DENND1A: variants seen among roughly 807,000 people sequenced by gnomAD.
The protein encoded by DENND1A is DENN domain-containing protein 1A.
DENND1A carries 51 observed loss-of-function variants against 113.7 expected under a neutral mutation model. The observed-to-expected ratio is 0.45, with a 90% CI of 0.36 to 0.57. The LOEUF (loss-of-function observed/expected upper bound fraction) is 0.57, where lower values mean the gene tolerates loss of function less well. DENND1A is among the 20% of genes least tolerant of loss of function. The probability of loss-of-function intolerance (pLI) is 0.00; values close to 1 mark genes in which losing one functional copy is unlikely to be tolerated. For missense variants in DENND1A, 1,258 were observed against 1,395.9 expected (o/e 0.90, Z 1.57); for synonymous variants, 565 against 570.8 (o/e 0.99, Z 0.14).
chr9:123,667,000 ATT>A, intron 8 of DENND1A, 24 bp downstream of exon 8: 3 of 1,569,678 alleles, frequency 1.9e-6, no homozygotes, highest in South Asian at 2.4e-5. Flanking sequence ...TAAAAATTTA[ATT>A]TTTTCTTCTT....
intron 1 of DENND1A, among the ~76,000 whole-genome samples, chr9:123,893,986 T>C (rs574078667): frequency 2.6e-5 from 4 of 152,120 alleles, no homozygotes; most frequent in Non-Finnish European, 5.9e-5. Context: ...CTTACAAAGC[T>C]CAGTTGCTCT....
At chr9:123,397,585 C>A (rs150309443) in intron 21 of DENND1A, among the ~76,000 whole-genome samples, 1 of 152,136 alleles carries the variant, frequency 6.6e-6, no homozygotes, top group African/African-American at 2.4e-5. Flanking sequence ...CAGTCACAGA[C>A]AATAGGGGTT....
chr9:123,558,923 C>T (rs774957288), intron 12 of DENND1A, among the ~76,000 whole-genome samples: 3 of 152,298 alleles, frequency 2.0e-5, no homozygotes, highest in East Asian at 1.9e-4. Context: ...TGAAACCACA[C>T]GTGGGTCTTG....
rs532638087 is a variant in DENND1A at position 123,483,731 on chromosome 9, G to A, written c.994-25834C>T. On this transcript the variant is annotated intron_variant, in intron 13 of 23. Coordinates refer to ENST00000394215, the MANE Select transcript of DENND1A (RefSeq NM_001352964.2). ...GTCGCTCATTATCCATGTGACTGTG[G>A]GGAAGTCTTTAGCTCCCCAAGTCAC... 6.6e-5 allele frequency among the ~76,000 whole-genome samples: 10 copies of A among 152,336 alleles called. No individual in the cohort carries two copies. In the East Asian group the frequency reaches 1.5e-3, roughly 23 times the overall value.
chr9:123,769,047 CTAT>C (rs1289414708), intron 4 of DENND1A, among the ~76,000 whole-genome samples: 2 of 152,026 alleles, frequency 1.3e-5, no homozygotes, highest in African/African-American at 4.8e-5. Flanking sequence ...ATATAAAATA[CTAT>C]TTAGCAATAT....
intron 10 of DENND1A, among the ~76,000 whole-genome samples, chr9:123,614,685 CT>C (rs1334621143): frequency 6.6e-6 from 1 of 152,132 alleles, no homozygotes; most frequent in Admixed American, 6.5e-5. Context: ...GGCAACACCT[CT>C]GCTATCATGA....
At chr9:123,475,279 A>T (rs981458097) in intron 13 of DENND1A, among the ~76,000 whole-genome samples, 4 of 152,170 alleles carry the variant, frequency 2.6e-5, no homozygotes, top group African/African-American at 9.7e-5. Flanking sequence ...TCGGCCTCCC[A>T]AAGTGCTGGG....
intron 19 of DENND1A, among the ~76,000 whole-genome samples, chr9:123,436,958 G>A (rs1564485583): frequency 6.6e-6 from 1 of 152,140 alleles, no homozygotes; most frequent in Non-Finnish European, 1.5e-5. Context: ...ATGTTGGTCA[G>A]GCTACTGACA....
intron 2 of DENND1A, among the ~76,000 whole-genome samples, chr9:123,819,527 TA>T (rs1838118575): frequency 6.6e-6 from 1 of 152,170 alleles, no homozygotes; most frequent in African/African-American, 2.4e-5. Flanking sequence ...AAAAATATTT[TA>T]TTTTTTTATT....
chr9:123,432,839 G>C (rs1222890003), intron 19 of DENND1A, among the ~76,000 whole-genome samples: 1 of 152,164 alleles, frequency 6.6e-6, no homozygotes, highest in Non-Finnish European at 1.5e-5. Flanking sequence ...ACTCTTGCTG[G>C]TACCAGCTCC....
rs141141363 is a variant in DENND1A at position 123,651,530 on chromosome 9, C to T, written c.618+483G>A. Among the ~76,000 whole-genome samples, 344 of 152,366 alleles carry T rather than the reference C, an allele frequency of 2.3e-3. 1 individual carries two copies. Among genetic ancestry groups the T allele is most frequent in the African/African-American group, 7.9e-3 (327 of 41,584 alleles). On this transcript the variant is annotated intron_variant, in intron 9 of 23. Transcript: ENST00000394215. ...CTGTTTGCAAAGCAATTTGGCAGTC[C>T]CTAAGTCATAGCGCTTATCAAGCCC...
chr9:123,698,985 T>C (rs556062803), intron 5 of DENND1A, among the ~76,000 whole-genome samples: 1 of 152,284 alleles, frequency 6.6e-6, no homozygotes, highest in South Asian at 2.1e-4. Context: ...GCAGTATATT[T>C]TTCTCAGGTA....
chr9:123,740,899 T>TGAGAGAGTGAGAGA (rs2068953709), intron 5 of DENND1A, among the ~76,000 whole-genome samples: 1 of 108,934 alleles, frequency 9.2e-6, no homozygotes, highest in African/African-American at 3.7e-5. Context: ...GAAGGGAAAG[T>TGAGAGAGTGAGAGA]GAGAGAGAGA....
chr9:123,799,546 T>C (rs1315489160), intron 2 of DENND1A, among the ~76,000 whole-genome samples: 1 of 152,094 alleles, frequency 6.6e-6, no homozygotes, highest in Non-Finnish European at 1.5e-5. Context: ...CAGAAAAAGG[T>C]TCCACGAAGA....
At chr9:123,504,415 G>C (rs1467923579) in intron 13 of DENND1A, among the ~76,000 whole-genome samples, 1 of 152,222 alleles carries the variant, frequency 6.6e-6, no homozygotes, top group Non-Finnish European at 1.5e-5. Context: ...GCCTGCACGG[G>C]ATGCATGCTT....
At chr9:123,918,338 AT>A (rs1334214086) in intron 1 of DENND1A, among the ~76,000 whole-genome samples, 1 of 150,572 alleles carries the variant, frequency 6.6e-6, no homozygotes, top group Non-Finnish European at 1.5e-5. Flanking sequence ...AATACAAAAA[AT>A]TAGCCGGGCG....
intron 13 of DENND1A, among the ~76,000 whole-genome samples, chr9:123,552,552 G>A (rs1391852342): frequency 1.3e-5 from 2 of 152,226 alleles, no homozygotes; most frequent in African/African-American, 2.4e-5. Context: ...CCACCTGTAT[G>A]GGCAGTACCC....
At chr9:123,392,948 A>G (rs1029373178) in intron 21 of DENND1A, among the ~76,000 whole-genome samples, 2 of 152,204 alleles carry the variant, frequency 1.3e-5, no homozygotes, top group African/African-American at 4.8e-5. Context: ...TTCACTGAGA[A>G]TAAGAGTCTC....
chr9:123,547,228 A>G (rs998293065), intron 13 of DENND1A, among the ~76,000 whole-genome samples: 4 of 152,230 alleles, frequency 2.6e-5, no homozygotes, highest in Non-Finnish European at 5.9e-5. Flanking sequence ...TCTCATATGC[A>G]TTTAAAAAAC....
Sources: gnomAD v4.1 joint callset for allele counts (sites outside exome capture counted in the v4.1 genomes callset) on GRCh38, gnomAD v4.1.1 for gene constraint, MANE v1.5 for transcripts, NCBI Gene and HGNC (gene_info 2026-07-23, HGNC 2026-07-21) for gene names.